The following SHQ1 variants were observed in gnomAD, a reference collection of about 807,000 sequenced individuals.
The protein encoded by SHQ1 is protein SHQ1 homolog.
Under a neutral mutation model 53.8 loss-of-function variants are expected in SHQ1, and 49 were observed. That is an observed-to-expected ratio of 0.91 (90% CI 0.72 to 1.16). The LOEUF (loss-of-function observed/expected upper bound fraction) is 1.16, where lower values mean the gene tolerates loss of function less well. SHQ1 is among the 50% of genes most tolerant of loss of function. The probability of loss-of-function intolerance (pLI) is 0.00; values close to 1 mark genes in which losing one functional copy is unlikely to be tolerated. For missense variants in SHQ1, 738 were observed against 683.1 expected (o/e 1.08, Z -0.90); for synonymous variants, 243 against 251.0 (o/e 0.97, Z 0.30).
chr3:72,841,080 C>G lies in SHQ1; in HGVS notation c.451G>C (p.Gly151Arg), dbSNP rs1708166215. 1 of 1,613,572 alleles carries G rather than the reference C, an allele frequency of 6.2e-7. No homozygotes were observed. The change falls in exon 4 of 11, where the codon GGA becomes CGA. Residue 151 changes from glycine to arginine, a missense_variant. By Grantham distance (125) the Gly-to-Arg change is moderately radical (BLOSUM62 -2). Transcript: ENST00000325599. ...TGCAACACTCCTGATCGTAAGTTTC[C>G]AAATCCATAGTGGCACTGCGGATTC... ...ALNPQCHYGFGNLRSGVLQRL... is the reference protein window; with the variant it reads ...ALNPQCHYGFRNLRSGVLQRL...
At chr3:72,819,874 A>G (rs921452173) in intron 6 of SHQ1, among the ~76,000 whole-genome samples, 1 of 152,228 alleles carries the variant, frequency 6.6e-6, no homozygotes, top group African/African-American at 2.4e-5. Flanking sequence ...AATGGCATGA[A>G]GGCATATACT....
chr3:72,750,353 G>A lies in SHQ1; in HGVS notation c.1665C>T (p.Pro555=), dbSNP rs1453301810. The A allele has an allele frequency of 2.5e-6, 4 of 1,614,092 alleles. No individual in the cohort carries two copies. The highest frequency in any genetic ancestry group is 3.3e-5 in the Admixed American group (2 of 60,006). The part of the protein sequence containing the change: ...QLKTTVQVSE[P]KGTTAVNRSN... ...TGCGGTTTACAGCAGTGGTGCCCTT[G>A]GGTTCAGAAACCTGAACTGTAGTCT... Residue 555 remains proline, a synonymous_variant, in exon 11 of 11, where the codon CCC becomes CCT. Transcript: ENST00000325599.
At chr3:72,732,388 G>GCCTGCCTGCCTTCCTTCCTTCCTT in the SHQ1 span, among the ~76,000 whole-genome samples, 12 of 58,170 alleles carry the variant, frequency 2.1e-4, no homozygotes, top group South Asian at 7.4e-4. Flanking sequence ...CTGCCTGCCT[G>GCCTGCCTGCCTTCCTTCCTTCCTT]CCTTCCTTCC....
At chr3:72,788,500 G>GC (rs1559672309) in intron 10 of SHQ1, among the ~76,000 whole-genome samples, 1 of 147,594 alleles carries the variant, frequency 6.8e-6, no homozygotes, top group African/African-American at 2.5e-5. Flanking sequence ...CCGGGAGGTA[G>GC]GGGGGGCGCC....
In SHQ1 at chr3:72,841,108, A is replaced by G; in HGVS notation, c.423T>C (p.Ala141=). Residue 141 remains alanine, a synonymous_variant, in exon 4 of 11, where the codon GCT becomes GCC. Transcript: ENST00000325599. ...QTPCEEVSES[A]LNPQCHYGFG... ...ATCCATAGTGGCACTGCGGATTCAA[A>G]GCACTTTCTGATACCTCTTCACAGG... 4 of 1,614,150 alleles carry G rather than the reference A, an allele frequency of 2.5e-6. No homozygotes were observed. The highest frequency in any genetic ancestry group is 3.4e-6 in the Non-Finnish European group (4 of 1,180,004).
chr3:72,804,637 T>A (rs1259431562), intron 9 of SHQ1, among the ~76,000 whole-genome samples: 1 of 152,244 alleles, frequency 6.6e-6, no homozygotes, highest in Admixed American at 6.5e-5. Context: ...ATTTGATTCA[T>A]GTCTGCTGAA....
intron 10 of SHQ1, among the ~76,000 whole-genome samples, chr3:72,755,629 T>G (rs1705483278): frequency 6.6e-6 from 1 of 152,238 alleles, no homozygotes. Flanking sequence ...AAAGGGAAAT[T>G]ATTCCTGTAG....
chr3:72,813,284 T>C (rs1434092153), intron 8 of SHQ1, among the ~76,000 whole-genome samples: 1 of 150,202 alleles, frequency 6.7e-6, no homozygotes, highest in Non-Finnish European at 1.5e-5. Context: ...CTGGCCAACA[T>C]GGCAAAACCC....
At chr3:72,740,602 G>A in the SHQ1 span, among the ~76,000 whole-genome samples, 4 of 152,184 alleles carry the variant, frequency 2.6e-5, no homozygotes, top group South Asian at 2.1e-4. Flanking sequence ...CAGCAATAGG[G>A]AACTGGATGT....
intron 9 of SHQ1, among the ~76,000 whole-genome samples, chr3:72,805,014 C>T (rs1353863825): frequency 2.0e-5 from 3 of 152,198 alleles, no homozygotes; most frequent in Non-Finnish European, 4.4e-5. Flanking sequence ...GTCCACTACA[C>T]ACCTAGGCTA....
At chr3:72,819,618 A>T (rs1217406043) in intron 6 of SHQ1, among the ~76,000 whole-genome samples, 1 of 152,154 alleles carries the variant, frequency 6.6e-6, no homozygotes, top group Admixed American at 6.5e-5. Flanking sequence ...GAGGAATAAG[A>T]GGAAGAGGAA....
At chr3:72,759,486 T>A (rs1575676505) in intron 10 of SHQ1, among the ~76,000 whole-genome samples, 1 of 151,928 alleles carries the variant, frequency 6.6e-6, no homozygotes, top group Middle Eastern at 3.4e-3. Context: ...AGGTCAGGAG[T>A]TCGAGACCAG....
At chr3:72,739,422 A>C in the SHQ1 span, among the ~76,000 whole-genome samples, 4 of 152,186 alleles carry the variant, frequency 2.6e-5, no homozygotes, top group Non-Finnish European at 5.9e-5. Context: ...TGAGAGACTC[A>C]GGCCACCTCA....
rs1195340470 is a variant in SHQ1, at chr3:72,848,430, A to C, written c.-90T>G. 6 of 1,498,270 alleles carry C rather than the reference A, an allele frequency of 4.0e-6. No homozygotes were observed. The highest frequency in any genetic ancestry group is 2.5e-5 in the East Asian group (1 of 40,522). The allele number at this position is 1,498,270 out of a possible 1,614,324, so 92.8% of individuals were successfully genotyped here. A position where few individuals can be genotyped will look rare whatever the true frequency, so the allele number is the denominator to read the frequency against. ...ACTCTCCAACTCCCCACGCGCAGGA[A>C]CTCTCGGTGTGAGGGACGGAGCTTC... On this transcript the variant is annotated 5_prime_UTR_variant, in exon 1 of 11. Transcript: ENST00000325599.
intron 10 of SHQ1, 110 bp from the exon 11 acceptor site, chr3:72,750,946 C>A: frequency 1.2e-6 from 1 of 821,744 alleles, no homozygotes; most frequent in Non-Finnish European, 1.8e-6. Context: ...TTAAATGGCA[C>A]ACCAGGATAT....
rs373656876 is a variant in SHQ1 at position 72,768,852 on chromosome 3, A to C, written c.1182-18016T>G. Reference sequence around the variant, plus strand: ...GTGTGCCCCCAGTATGTTTTTCCCTAAGCATTCTAGAACCCCGCTGCAGCT... The same window carrying C: ...GTGTGCCCCCAGTATGTTTTTCCCTCAGCATTCTAGAACCCCGCTGCAGCT... On this transcript the variant is annotated intron_variant, in intron 10 of 10. Transcript: ENST00000325599. Among the ~76,000 whole-genome samples the C allele has an allele frequency of 3.3e-5, 5 of 152,276 alleles. No individual in the cohort carries two copies. The East Asian group carries it at 5.8e-4, about 18-fold the overall frequency.
downstream of SHQ1, among the ~76,000 whole-genome samples, chr3:72,746,722 G>A (rs1705265615): frequency 6.6e-6 from 1 of 152,200 alleles, no homozygotes; most frequent in Non-Finnish European, 1.5e-5. Context: ...TCTCACTGAA[G>A]TAGATCCTGT....
the SHQ1 span, among the ~76,000 whole-genome samples, chr3:72,731,378 A>T: frequency 6.6e-6 from 1 of 151,662 alleles, no homozygotes; most frequent in Non-Finnish European, 1.5e-5. Context: ...ATCATTAAAA[A>T]GTTTTTTTAA....
intron 10 of SHQ1, among the ~76,000 whole-genome samples, chr3:72,756,963 G>A (rs540916195): frequency 1.2e-4 from 19 of 152,314 alleles, no homozygotes; most frequent in African/African-American, 4.6e-4. Flanking sequence ...GTAGGAGGGG[G>A]AAAGCCTCCG....
Sources: gnomAD v4.1 joint callset for allele counts (sites outside exome capture counted in the v4.1 genomes callset) on GRCh38, gnomAD v4.1.1 for gene constraint, MANE v1.5 for transcripts, NCBI Gene and HGNC (gene_info 2026-07-23, HGNC 2026-07-21) for gene names.